The following TRMT1 variants were observed in gnomAD, a reference collection of about 807,000 sequenced individuals.
TRMT1 encodes tRNA methyltransferase 1.
Under a neutral mutation model 75.4 loss-of-function variants are expected in TRMT1, and 63 were observed. The ratio of observed to expected loss-of-function variants is 0.84; its 90% CI spans 0.68 to 1.03. The LOEUF is 1.03. Ranked by LOEUF, TRMT1 falls within the 50% of genes least tolerant of loss-of-function variation. The probability of loss-of-function intolerance (pLI) is 0.00; values close to 1 mark genes in which losing one functional copy is unlikely to be tolerated. For missense variants in TRMT1, 870 were observed against 905.3 expected, an observed-to-expected ratio of 0.96 and a Z score of 0.50; for synonymous variants, 382 against 358.1, an observed-to-expected ratio of 1.07 and a Z score of -0.75.
At position 13,107,902 on chromosome 19, in the gene TRMT1, G is replaced by T; in HGVS notation, c.1398-43C>A. On this transcript the variant is annotated intron_variant, in intron 12 of 16. Coordinates refer to ENST00000357720, the MANE Select transcript of TRMT1 (RefSeq NM_001136035.4). ...TTATGAGGGAGATGCCGGACTCCTT[G>T]ACCCCAAAGCCCAAGCTGACCAGCG... 3 of 1,525,688 alleles carry T rather than the reference G, an allele frequency of 2.0e-6. No individual in the cohort carries two copies. The South Asian group carries it at 3.6e-5, about 18-fold the overall frequency. The allele number at this position is 1,525,688 out of a possible 1,614,324, so 94.5% of individuals were successfully genotyped here.
intron 12 of TRMT1, 85 bp from the exon 13 acceptor site, chr19:13,107,944 C>T (rs2018957255): frequency 1.2e-5 from 11 of 940,062 alleles, no homozygotes; most frequent in East Asian, 5.6e-5. Context: ...AGACTACCTT[C>T]GGCAAGGGCT....
At chr19:13,108,126 G>GA (rs1400377961) in intron 12 of TRMT1, among the ~76,000 whole-genome samples, 1 of 151,178 alleles carries the variant, frequency 6.6e-6, no homozygotes, top group African/African-American at 2.4e-5. Context: ...GAATAGCTGG[G>GA]ACTATAGGCA....
intron 12 of TRMT1, 65 bp downstream of exon 12, chr19:13,109,316 C>A: frequency 6.3e-7 from 1 of 1,586,164 alleles, no homozygotes; most frequent in African/African-American, 1.3e-5. Flanking sequence ...CATGAGAATC[C>A]CTGGACTTGC....
chr19:13,110,606 T>C (rs1046849088), intron 7 of TRMT1, among the ~76,000 whole-genome samples: 1 of 152,222 alleles, frequency 6.6e-6, no homozygotes, highest in African/African-American at 2.4e-5. Flanking sequence ...TGGCATGTAC[T>C]GAGGACCCAC....
At chr19:13,107,983 TTC>T in intron 12 of TRMT1, 124 bp from the exon 13 acceptor site, 13 of 607,664 alleles carry the variant, frequency 2.1e-5, no homozygotes, top group East Asian at 3.1e-5. Flanking sequence ...TTCTTTTCTT[TTC>T]TTTTTTTTTT....
rs1487190137 is a variant in TRMT1 at position 13,108,395 on chromosome 19, A to G, written c.1398-536T>C. On this transcript the variant is annotated intron_variant, in intron 12 of 16. Transcript: ENST00000357720. Reference sequence around the variant, plus strand: ...AGCCTCTGCCTCTCAGGTTCAACCAATTCTCCTGTCTCAGCCTCCTGAGTA... The same window carrying G: ...AGCCTCTGCCTCTCAGGTTCAACCAGTTCTCCTGTCTCAGCCTCCTGAGTA... Among the ~76,000 whole-genome samples, 3 of 152,092 alleles carry G rather than the reference A, an allele frequency of 2.0e-5. No individual in the cohort carries two copies. In the East Asian group the frequency reaches 5.8e-4, roughly 29 times the overall value.
At chr19:13,114,027 G>A (rs2019240572) in intron 5 of TRMT1, among the ~76,000 whole-genome samples, 1 of 152,180 alleles carries the variant, frequency 6.6e-6, no homozygotes, top group South Asian at 2.1e-4. Context: ...ACAGGCATGA[G>A]TCACCATGCC....
chr19:13,110,742 G>GT (rs1157095618), intron 7 of TRMT1, among the ~76,000 whole-genome samples: 1 of 152,148 alleles, frequency 6.6e-6, no homozygotes, highest in African/African-American at 2.4e-5. Context: ...CTGGTCAGGA[G>GT]TTTGAGACCA....
At chr19:13,112,633 G>C in intron 7 of TRMT1, 72 bp downstream of exon 7, 1 of 1,440,086 alleles carries the variant, frequency 6.9e-7, no homozygotes. Context: ...GAGGGGGAAA[G>C]TGTATTGGGA....
intron 12 of TRMT1, 125 bp downstream of exon 12, chr19:13,109,256 A>G (rs528338439): frequency 1.8e-6 from 2 of 1,125,450 alleles, no homozygotes; most frequent in African/African-American, 1.6e-5. Context: ...CTGGGATTAC[A>G]GGAATGAGAC....
Position 13,110,309 on chromosome 19 carries a change from G to C in TRMT1, c.871-3C>G. 6.3e-6 allele frequency: 6 copies of C among 957,800 alleles called. No individual in the cohort carries two copies. The highest frequency in any genetic ancestry group is 9.9e-6 in the Non-Finnish European group (6 of 608,026). The allele number at this position is 957,800 out of a possible 1,614,324, so 59.3% of individuals were successfully genotyped here. ...CTGTGCAGGACGATTCTCAGGGCCT[G>C]GGGGTGGGGGGTGGGTGTCAGCCTC... On this transcript the variant is annotated splice_polypyrimidine_tract_variant and splice_region_variant and intron_variant, in intron 7 of 16. Coordinates refer to ENST00000357720, the MANE Select transcript of TRMT1 (RefSeq NM_001136035.4).
Position 13,109,425 on chromosome 19 carries a change from C to G in TRMT1, c.1353G>C (p.Leu451=), listed in dbSNP as rs1599937227. 6.2e-7 allele frequency: 1 copy of G among 1,613,476 alleles called. No homozygotes were observed. The highest frequency in any genetic ancestry group is 8.5e-7 in the Non-Finnish European group (1 of 1,180,004). ...GTGTGTTGCAGTGGATGGTGCTGCT[C>G]AGCTGGTCCAGGGTGTAGTACAGAG... is the stretch of plus-strand genomic sequence containing the variant. ...DVPLYYTLDQ[L]SSTIHCNTPS... is the part of the protein sequence containing the mutation. The change falls in exon 12 of 17, where the codon CTG becomes CTC. Residue 451 remains leucine (L), a synonymous_variant. Coordinates refer to ENST00000357720, the MANE Select transcript of TRMT1 (RefSeq NM_001136035.4).
rs57825932 is a variant in TRMT1 at position 13,109,085 on chromosome 19, G to GGTGTGTGTGT, written c.1397+286_1397+295dup. Among the ~76,000 whole-genome samples the GGTGTGTGTGT allele has an allele frequency of 1.5e-3, 214 of 147,358 alleles. 1 individual carries two copies. Among genetic ancestry groups the GGTGTGTGTGT allele is most frequent in the African/African-American group, 5.1e-3 (206 of 40,236 alleles). On this transcript the variant is annotated intron_variant, in intron 12 of 16. Transcript: ENST00000357720. Reference sequence around the variant, plus strand: ...CATGTATCACCATGCCAGGCTAATGGGTGTGTGTGTGTGTGTGTGTGTGTA... The same window carrying GGTGTGTGTGT: ...CATGTATCACCATGCCAGGCTAATGGGTGTGTGTGTGTGTGTGTGTGTGTGTGTGTGTGTA...
intron 10 of TRMT1, 30 bp downstream of exon 10, chr19:13,109,739 G>A: frequency 1.2e-6 from 2 of 1,614,052 alleles, no homozygotes; most frequent in Non-Finnish European, 1.7e-6. Context: ...AGACCCTCTT[G>A]CTCCTTTGCC....
At chr19:13,107,026 C>T (rs2018905861) in intron 14 of TRMT1, among the ~76,000 whole-genome samples, 1 of 134,406 alleles carries the variant, frequency 7.4e-6, no homozygotes, top group Non-Finnish European at 1.6e-5. Flanking sequence ...TTAGTAGAGA[C>T]AGGGTTTCAC....
intron 3 of TRMT1, 90 bp downstream of exon 3, chr19:13,115,907 A>C (rs1272183142): frequency 6.2e-7 from 1 of 1,610,296 alleles, no homozygotes; most frequent in South Asian, 1.1e-5. Flanking sequence ...ATGTGGCTGA[A>C]GCCCCTCTGG....
At chr19:13,107,902 G>C in intron 12 of TRMT1, 43 bp from the exon 13 acceptor site, 1 of 1,525,690 alleles carries the variant, frequency 6.6e-7, no homozygotes, top group Non-Finnish European at 8.9e-7. Context: ...CGGACTCCTT[G>C]ACCCCAAAGC....
intron 14 of TRMT1, among the ~76,000 whole-genome samples, chr19:13,106,393 C>T (rs924228282): frequency 1.3e-5 from 2 of 152,128 alleles, no homozygotes; most frequent in Admixed American, 6.5e-5. Flanking sequence ...TTTTATTTAA[C>T]GACTGTGTGC....
intron 14 of TRMT1, 80 bp from the exon 15 acceptor site, chr19:13,105,686 G>A (rs1352548369): frequency 3.0e-6 from 4 of 1,351,178 alleles, no homozygotes; most frequent in South Asian, 1.3e-5. Flanking sequence ...GGGCCTGTCC[G>A]CCTCCACAAC....
Sources: gnomAD v4.1 joint callset for allele counts (sites outside exome capture counted in the v4.1 genomes callset) on GRCh38, gnomAD v4.1.1 for gene constraint, MANE v1.5 for transcripts, NCBI Gene and HGNC (gene_info 2026-07-23, HGNC 2026-07-21) for gene names.